The following SH3BGRL2 variants were observed in gnomAD, a reference collection of about 807,000 sequenced individuals.
The protein encoded by SH3BGRL2 is SH3 domain binding glutamate rich protein like 2, also known as SH3 domain-binding glutamic acid-rich-like protein 2.
In SH3BGRL2, 21 loss-of-function variants were observed where a neutral mutation model predicts 14.8. That is an observed-to-expected ratio of 1.42 (90% CI 1.01 to 2.05). The LOEUF (loss-of-function observed/expected upper bound fraction) is 2.05. Ranked by LOEUF, SH3BGRL2 falls within the 30% of genes most tolerant of loss-of-function variation. SH3BGRL2 has a pLI of 0.00. For missense variants in SH3BGRL2, 147 were observed against 130.8 expected, an observed-to-expected ratio of 1.12 and a Z score of -0.61; for synonymous variants, 50 against 47.8, an observed-to-expected ratio of 1.05 and a Z score of -0.19.
At chr6:79,569,199 GA>G in the SH3BGRL2 span, among the ~76,000 whole-genome samples, 1 of 152,186 alleles carries the variant, frequency 6.6e-6, no homozygotes, top group Non-Finnish European at 1.5e-5. Flanking sequence ...TCAATTCAAA[GA>G]ATTTCTGATT....
intron 2 of SH3BGRL2, among the ~76,000 whole-genome samples, chr6:79,681,087 A>T (rs1370492790): frequency 6.6e-6 from 1 of 152,178 alleles, no homozygotes; most frequent in African/African-American, 2.4e-5. Flanking sequence ...GTCAAGACAG[A>T]TTGGTGCAGT....
chr6:79,547,472 G>A, the SH3BGRL2 span, among the ~76,000 whole-genome samples: 2 of 152,042 alleles, frequency 1.3e-5, no homozygotes, highest in African/African-American at 2.4e-5. Context: ...GCCTTGATGC[G>A]CTGGCATCTG....
At chr6:79,681,622 C>T (rs980987467) in intron 2 of SH3BGRL2, among the ~76,000 whole-genome samples, 2 of 152,114 alleles carry the variant, frequency 1.3e-5, no homozygotes, top group African/African-American at 2.4e-5. Context: ...ATTTTCTCAC[C>T]ATTTGTGGAG....
At chr6:79,600,454 C>T in the SH3BGRL2 span, among the ~76,000 whole-genome samples, 2 of 152,120 alleles carry the variant, frequency 1.3e-5, no homozygotes, top group African/African-American at 2.4e-5. Flanking sequence ...TGAGTGTTTT[C>T]CAGGGTACAG....
chr6:79,700,921 A>G lies in SH3BGRL2; in HGVS notation c.*1412A>G, dbSNP rs778793349. On this transcript the variant is annotated 3_prime_UTR_variant, in exon 4 of 4. Coordinates refer to ENST00000369838, the MANE Select transcript of SH3BGRL2 (RefSeq NM_031469.4). ...CTAGCATCCTGATTCTGGACTTTTC[A>G]TTATAATTCTGAGCAGGAAATTTAT... 13 of 152,306 alleles carry G rather than the reference A, an allele frequency of 8.5e-5. No individual in the cohort carries two copies. The highest frequency in any genetic ancestry group is 5.9e-4 in the Admixed American group (9 of 15,298). 9.4% of individuals were successfully genotyped at this position (152,306 alleles called of 1,614,324 possible). A position where few individuals can be genotyped will look rare whatever the true frequency, so the allele number is the denominator to read the frequency against.
At chr6:79,697,158 ATTTCT>A (rs890345829) in intron 3 of SH3BGRL2, among the ~76,000 whole-genome samples, 2 of 152,156 alleles carry the variant, frequency 1.3e-5, no homozygotes, top group African/African-American at 2.4e-5. Context: ...AAGAAAAAAC[ATTTCT>A]TTATTAAGTA....
the SH3BGRL2 span, among the ~76,000 whole-genome samples, chr6:79,619,223 A>G: frequency 7.3e-5 from 11 of 151,562 alleles, no homozygotes; most frequent in Non-Finnish European, 1.2e-4. Flanking sequence ...GTAACCAATT[A>G]TTTTGTCTCT....
At chr6:79,676,838 G>T (rs939971392) in intron 2 of SH3BGRL2, among the ~76,000 whole-genome samples, 4 of 151,896 alleles carry the variant, frequency 2.6e-5, no homozygotes, top group Admixed American at 1.3e-4. Flanking sequence ...TCTTTATGAC[G>T]TCTAGCTGTC....
chr6:79,668,975 T>C (rs184629906), intron 1 of SH3BGRL2, among the ~76,000 whole-genome samples: 18 of 152,352 alleles, frequency 1.2e-4, no homozygotes, highest in African/African-American at 3.8e-4. Context: ...ATACTGTCAT[T>C]TGATCCACTT....
At chr6:79,682,703 C>T (rs1420942461) in intron 2 of SH3BGRL2, among the ~76,000 whole-genome samples, 1 of 152,180 alleles carries the variant, frequency 6.6e-6, no homozygotes, top group Admixed American at 6.5e-5. Context: ...TGTTGCAAGA[C>T]TTAATATTTT....
chr6:79,628,299 C>T (rs1165395358), upstream of SH3BGRL2, among the ~76,000 whole-genome samples: 3 of 150,768 alleles, frequency 2.0e-5, no homozygotes, highest in Admixed American at 6.6e-5. Context: ...GAGAAACCAC[C>T]GATAGATTTC....
intron 1 of SH3BGRL2, among the ~76,000 whole-genome samples, chr6:79,657,215 G>GA (rs1769437972): frequency 6.6e-6 from 1 of 152,046 alleles, no homozygotes; most frequent in African/African-American, 2.4e-5. Context: ...AAAAGGCAGT[G>GA]ATATACGCTT....
chr6:79,569,228 G>A, the SH3BGRL2 span, among the ~76,000 whole-genome samples: 1 of 152,210 alleles, frequency 6.6e-6, no homozygotes, highest in Non-Finnish European at 1.5e-5. Context: ...GGTTGAAAGA[G>A]TTATTACCTA....
chr6:79,673,466 C>T, intron 1 of SH3BGRL2, 148 bp from the exon 2 acceptor site: 3 of 693,642 alleles, frequency 4.3e-6, no homozygotes, highest in South Asian at 4.8e-5. Flanking sequence ...CAGTCTTCCA[C>T]TGGATATCTA....
chr6:79,545,573 A>G, the SH3BGRL2 span, among the ~76,000 whole-genome samples: 5 of 152,248 alleles, frequency 3.3e-5, no homozygotes, highest in Non-Finnish European at 7.3e-5. Flanking sequence ...TGAGATTCCA[A>G]CAGAAAAGAA....
At chr6:79,681,978 A>G (rs1352394455) in intron 2 of SH3BGRL2, among the ~76,000 whole-genome samples, 2 of 151,026 alleles carry the variant, frequency 1.3e-5, no homozygotes, top group Non-Finnish European at 2.9e-5. Flanking sequence ...TCACTTTAAA[A>G]AAGATCACTA....
chr6:79,695,729 A>G (rs1343596030), intron 2 of SH3BGRL2, among the ~76,000 whole-genome samples: 1 of 152,220 alleles, frequency 6.6e-6, no homozygotes, highest in Non-Finnish European at 1.5e-5. Context: ...CAAATGCCTA[A>G]AATGATTGTG....
the SH3BGRL2 span, among the ~76,000 whole-genome samples, chr6:79,597,932 A>G: frequency 1.3e-5 from 2 of 152,370 alleles, no homozygotes; most frequent in East Asian, 3.9e-4. Flanking sequence ...ACCCAATTTA[A>G]AAGTGGGCAA....
chr6:79,624,785 G>C, the SH3BGRL2 span, among the ~76,000 whole-genome samples: 1 of 152,150 alleles, frequency 6.6e-6, no homozygotes, highest in Middle Eastern at 3.4e-3. Context: ...AGGTGCTGGG[G>C]GAATGAAAGT....
Sources: gnomAD v4.1 joint callset for allele counts (sites outside exome capture counted in the v4.1 genomes callset) on GRCh38, gnomAD v4.1.1 for gene constraint, MANE v1.5 for transcripts, NCBI Gene and HGNC (gene_info 2026-07-23, HGNC 2026-07-21) for gene names.